Variants in HOMER1 observed in about 807,000 individuals in gnomAD.
HOMER1 encodes the protein homer protein homolog 1.
Under a neutral mutation model 48.9 loss-of-function variants are expected in HOMER1, and 3 were observed. The ratio of observed to expected loss-of-function variants is 0.06; its 90% CI spans 0.03 to 0.16. The LOEUF is 0.16. Among genes scored for constraint, HOMER1 ranks in the 10% least tolerant of loss-of-function variants. The pLI, the probability that HOMER1 is intolerant of heterozygous loss-of-function variation, is 1.00. For missense variants in HOMER1, 247 were observed against 411.4 expected (o/e 0.60, Z 3.46); for synonymous variants, 134 against 146.4 (o/e 0.92, Z 0.61).
rs55707779 is a variant in HOMER1, at chr5:79,423,185, T to C, written c.527+15825A>G. ...GCATAATTGACTTCACTATTTTCCATTGATCAACACTGTGTTTCAAAGAGA... is the reference window on the plus strand; with the variant it reads ...GCATAATTGACTTCACTATTTTCCACTGATCAACACTGTGTTTCAAAGAGA... On this transcript the variant is annotated intron_variant, in intron 5 of 8. Coordinates refer to ENST00000334082, the MANE Select transcript of HOMER1 (RefSeq NM_004272.5). Among the ~76,000 whole-genome samples the C allele has an allele frequency of 9.8e-3, 1,491 of 152,288 alleles. 20 individuals carry two copies. The highest frequency in any genetic ancestry group is 0.033 in the African/African-American group (1,383 of 41,562).
At chr5:79,501,644 A>G (rs561581919) in intron 1 of HOMER1, among the ~76,000 whole-genome samples, 1 of 152,344 alleles carries the variant, frequency 6.6e-6, no homozygotes, top group South Asian at 2.1e-4. Context: ...AAACTACTAT[A>G]AGGAGTTAGA....
intron 5 of HOMER1, among the ~76,000 whole-genome samples, chr5:79,409,713 C>T (rs748941462): frequency 4.6e-5 from 7 of 152,126 alleles, no homozygotes; most frequent in Non-Finnish European, 8.8e-5. Context: ...GAGCAAAGAA[C>T]TTGAATAGAC....
intron 6 of HOMER1, 21 bp from the exon 7 acceptor site, chr5:79,397,658 A>C (rs762520014): frequency 7.0e-7 from 1 of 1,421,294 alleles, no homozygotes; most frequent in Non-Finnish European, 9.8e-7. Flanking sequence ...ATGAGAACAC[A>C]GATTAACTTA....
chr5:79,415,737 C>T (rs902947995), intron 5 of HOMER1, among the ~76,000 whole-genome samples: 1 of 152,102 alleles, frequency 6.6e-6, no homozygotes, highest in Non-Finnish European at 1.5e-5. Context: ...ATAATGTATG[C>T]CTTTATCACT....
chr5:79,468,543 A>G (rs775455092), intron 1 of HOMER1, among the ~76,000 whole-genome samples: 1 of 152,240 alleles, frequency 6.6e-6, no homozygotes, highest in African/African-American at 2.4e-5. Context: ...TAAATTTCAA[A>G]TAACATATGT....
intron 8 of HOMER1, 75 bp downstream of exon 8, chr5:79,396,748 A>G (rs1749396188): frequency 4.0e-6 from 3 of 755,212 alleles, no homozygotes; most frequent in African/African-American, 1.8e-5. Flanking sequence ...GGAGTCTCAG[A>G]AAAAAAGTCA....
At chr5:79,470,448 T>G (rs1213126305) in intron 1 of HOMER1, among the ~76,000 whole-genome samples, 2 of 152,174 alleles carry the variant, frequency 1.3e-5, no homozygotes, top group Non-Finnish European at 2.9e-5. Flanking sequence ...ATGCTTCTAT[T>G]TAACCTTAAT....
At chr5:79,458,419 T>C (rs954026077) in intron 1 of HOMER1, among the ~76,000 whole-genome samples, 2 of 151,904 alleles carry the variant, frequency 1.3e-5, no homozygotes, top group Non-Finnish European at 2.9e-5. Flanking sequence ...TTTAAAATTA[T>C]GAAGAATTTT....
At chr5:79,496,806 T>C (rs561773648) in intron 1 of HOMER1, among the ~76,000 whole-genome samples, 2 of 152,238 alleles carry the variant, frequency 1.3e-5, no homozygotes, top group South Asian at 4.2e-4. Context: ...GGCTCATGCC[T>C]GTAATTCCAG....
At chr5:79,419,593 G>A (rs909787746) in intron 5 of HOMER1, among the ~76,000 whole-genome samples, 2 of 151,634 alleles carry the variant, frequency 1.3e-5, no homozygotes, top group African/African-American at 4.9e-5. Context: ...TAAAGCCTTA[G>A]GAGACATTCT....
At chr5:79,383,772 A>G (rs919505037) in intron 8 of HOMER1, among the ~76,000 whole-genome samples, 6 of 152,160 alleles carry the variant, frequency 3.9e-5, no homozygotes, top group African/African-American at 1.4e-4. Context: ...AACAAGTCTC[A>G]ACAAATTTTT....
intron 5 of HOMER1, among the ~76,000 whole-genome samples, chr5:79,434,024 CATT>C (rs1750502016): frequency 6.6e-6 from 1 of 152,242 alleles, no homozygotes; most frequent in African/African-American, 2.4e-5. Flanking sequence ...GTTATCTAAA[CATT>C]AGAAGAATCT....
chr5:79,387,039 C>G, intron 8 of HOMER1, among the ~76,000 whole-genome samples: 1 of 143,772 alleles, frequency 7.0e-6, no homozygotes, highest in Non-Finnish European at 1.5e-5. Flanking sequence ...CCCTCCCTCC[C>G]TCTCCTTCCT....
intron 1 of HOMER1, among the ~76,000 whole-genome samples, chr5:79,457,466 C>T (rs1213987326): frequency 1.3e-5 from 2 of 152,186 alleles, no homozygotes; most frequent in Non-Finnish European, 2.9e-5. Flanking sequence ...ACACATTTCA[C>T]ACTTTGTTGG....
intron 6 of HOMER1, among the ~76,000 whole-genome samples, chr5:79,401,153 T>G (rs896812671): frequency 2.0e-5 from 3 of 151,996 alleles, no homozygotes; most frequent in African/African-American, 7.3e-5. Context: ...TGTTCCTTCT[T>G]TAAAAAGAAA....
chr5:79,457,838 G>A (rs1751214603), intron 1 of HOMER1, among the ~76,000 whole-genome samples: 1 of 152,112 alleles, frequency 6.6e-6, no homozygotes, highest in South Asian at 2.1e-4. Flanking sequence ...TGTGAATAAT[G>A]AGAATAAACT....
chr5:79,385,313 A>G (rs1368453360), intron 8 of HOMER1, among the ~76,000 whole-genome samples: 1 of 152,156 alleles, frequency 6.6e-6, no homozygotes, highest in Non-Finnish European at 1.5e-5. Context: ...ACAAAGAGAC[A>G]ACCTGTTGAA....
rs186581956 is a variant in HOMER1 at position 79,464,480 on chromosome 5, T to C, written c.6-7462A>G. ...AGACGGACACTAATTACCATTTAAC[T>C]TGATAGGTAATGGCTGGAGAATTTA... On this transcript the variant is annotated intron_variant, in intron 1 of 8. Coordinates refer to ENST00000334082, the MANE Select transcript of HOMER1 (RefSeq NM_004272.5). Among the ~76,000 whole-genome samples the C allele has an allele frequency of 2.0e-5, 3 of 152,312 alleles. No individual in the cohort carries two copies. In the East Asian group the frequency reaches 5.8e-4, roughly 29 times the overall value.
chr5:79,463,098 C>T (rs1016906992), intron 1 of HOMER1, among the ~76,000 whole-genome samples: 23 of 152,198 alleles, frequency 1.5e-4, no homozygotes, highest in African/African-American at 5.1e-4. Flanking sequence ...ATATTTTCCA[C>T]TGAGGATTTG....
Sources: gnomAD v4.1 joint callset for allele counts (sites outside exome capture counted in the v4.1 genomes callset) on GRCh38, gnomAD v4.1.1 for gene constraint, MANE v1.5 for transcripts, NCBI Gene and HGNC (gene_info 2026-07-23, HGNC 2026-07-21) for gene names.